CDIN1: variants seen among roughly 807,000 people sequenced by gnomAD.
CDIN1 encodes CDAN1 interacting nuclease 1, also known as CDAN1-interacting nuclease 1.
In CDIN1, 33 loss-of-function variants were observed where a neutral mutation model predicts 45.3. That is an observed-to-expected ratio of 0.73 (90% CI 0.55 to 0.97). CDIN1 has a LOEUF of 0.97. Ranked by LOEUF, CDIN1 falls within the 50% of genes least tolerant of loss-of-function variation. The pLI, the probability that CDIN1 is intolerant of heterozygous loss-of-function variation, is 0.00. For synonymous variants in CDIN1, 118 were observed against 124.4 expected, an observed-to-expected ratio of 0.95 and a Z score of 0.34; for missense variants, 303 against 339.4, an observed-to-expected ratio of 0.89 and a Z score of 0.84.
At chr15:36,696,914 C>G (rs961479320) in intron 7 of CDIN1, among the ~76,000 whole-genome samples, 1 of 146,104 alleles carries the variant, frequency 6.8e-6, no homozygotes, top group Admixed American at 7.0e-5. Flanking sequence ...GAGTTTGAGA[C>G]CAGCCTGAGC....
chr15:36,709,249 T>A lies in CDIN1; in HGVS notation c.571T>A (p.Tyr191Asn). ...TGAAGATCAGCTTCGTGCAAAGGGT[T>A]ATGACAAAACACCAGACTTCATTTT... Reference protein sequence around the residue: ...LDEDQLRAKGYDKTPDFILQV... With the variant: ...LDEDQLRAKGNDKTPDFILQV... The change falls in exon 9 of 11, where the codon TAT becomes AAT. Residue 191 changes from tyrosine to asparagine, a missense_variant. Coordinates refer to ENST00000566621, the MANE Select transcript of CDIN1 (RefSeq NM_001321759.2). 1 of 1,604,038 alleles carries A rather than the reference T, an allele frequency of 6.2e-7. No individual in the cohort carries two copies. The highest frequency in any genetic ancestry group is 8.5e-7 in the Non-Finnish European group (1 of 1,174,694).
chr15:36,607,542 C>G (rs2038435671), intron 1 of CDIN1, among the ~76,000 whole-genome samples: 1 of 152,102 alleles, frequency 6.6e-6, no homozygotes, highest in Non-Finnish European at 1.5e-5. Flanking sequence ...TGCCCGCGAT[C>G]ATGACTGACT....
chr15:36,739,187 A>C (rs1176338695), intron 10 of CDIN1, among the ~76,000 whole-genome samples: 2 of 152,168 alleles, frequency 1.3e-5, no homozygotes, highest in African/African-American at 2.4e-5. Flanking sequence ...GCAGCCAGGG[A>C]TTTGAGACTA....
intron 3 of CDIN1, chr15:36,648,749 A>G (rs1045640544): frequency 1.1e-4 from 17 of 152,196 alleles, no homozygotes; most frequent in African/African-American, 3.9e-4. Flanking sequence ...CTATTATTGT[A>G]AATAAAACTG....
chr15:36,703,750 T>G (rs1277202357), intron 8 of CDIN1, among the ~76,000 whole-genome samples: 1 of 152,120 alleles, frequency 6.6e-6, no homozygotes, highest in Non-Finnish European at 1.5e-5. Flanking sequence ...TAGGAGATCC[T>G]TTTTGTGTCT....
In CDIN1 at chr15:36,808,920, T is replaced by C. The variant is rs2055318344; in HGVS notation, c.*467T>C. On this transcript the variant is annotated 3_prime_UTR_variant, in exon 11 of 11. Transcript: ENST00000566621. ...CACTCACAGAGACCCAGCATTGCAT[T>C]ACCATCGTGGAATAATCTAGCGCAA... The C allele has an allele frequency of 2.2e-6, 1 of 456,044 alleles. No individual in the cohort carries two copies. Among genetic ancestry groups the C allele is most frequent in the Admixed American group, 2.4e-5 (1 of 42,522 alleles). 28.2% of individuals were successfully genotyped at this position (456,044 alleles called of 1,614,324 possible).
intron 10 of CDIN1, among the ~76,000 whole-genome samples, chr15:36,793,197 A>G (rs1053406392): frequency 6.6e-6 from 1 of 151,672 alleles, no homozygotes; most frequent in East Asian, 1.9e-4. Flanking sequence ...TCTTTCATAC[A>G]CTCATCTTTT....
At chr15:36,659,966 CTTTTTTT>C (rs778988517) in intron 5 of CDIN1, among the ~76,000 whole-genome samples, 6 of 105,150 alleles carry the variant, frequency 5.7e-5, no homozygotes, top group African/African-American at 2.2e-4. Flanking sequence ...CCTTCCTTTT[CTTTTTTT>C]TTTTTTTTTT....
At chr15:36,632,666 C>T (rs573031250) in intron 1 of CDIN1, among the ~76,000 whole-genome samples, 1 of 152,286 alleles carries the variant, frequency 6.6e-6, no homozygotes, top group South Asian at 2.1e-4. Flanking sequence ...TTTTCTTCTG[C>T]TAATCAATTG....
At chr15:36,783,331 T>C (rs1178880986) in intron 10 of CDIN1, among the ~76,000 whole-genome samples, 2 of 143,998 alleles carry the variant, frequency 1.4e-5, no homozygotes, top group Admixed American at 7.4e-5. Flanking sequence ...TAAAAACATA[T>C]GTTGGGATTG....
intron 10 of CDIN1, among the ~76,000 whole-genome samples, chr15:36,769,258 CAT>C (rs758163723): frequency 6.6e-6 from 1 of 152,162 alleles, no homozygotes; most frequent in Non-Finnish European, 1.5e-5. Flanking sequence ...GGAACTGACT[CAT>C]GTGATTGTGG....
chr15:36,640,251 G>A (rs1487991402), intron 1 of CDIN1, among the ~76,000 whole-genome samples: 1 of 152,130 alleles, frequency 6.6e-6, no homozygotes, highest in Non-Finnish European at 1.5e-5. Flanking sequence ...GTGGCAGGGG[G>A]CGTTGGGGGA....
intron 7 of CDIN1, among the ~76,000 whole-genome samples, chr15:36,695,203 G>A (rs2140738804): frequency 6.6e-6 from 1 of 152,106 alleles, no homozygotes. Context: ...TAATTCTCTA[G>A]GAATTTTTTT....
chr15:36,699,999 T>C (rs1427475814), intron 8 of CDIN1, among the ~76,000 whole-genome samples: 4 of 152,198 alleles, frequency 2.6e-5, no homozygotes, highest in Admixed American at 2.6e-4. Flanking sequence ...TGCATATTTA[T>C]TCATTTATTC....
intron 10 of CDIN1, among the ~76,000 whole-genome samples, chr15:36,757,799 C>T (rs1427866628): frequency 6.6e-6 from 1 of 150,862 alleles, no homozygotes; most frequent in Non-Finnish European, 1.5e-5. Flanking sequence ...TAATGCTATG[C>T]CACCAGGCCT....
chr15:36,776,882 G>C (rs79081639), intron 10 of CDIN1, among the ~76,000 whole-genome samples: 137 of 152,136 alleles, frequency 9.0e-4, no homozygotes, highest in Non-Finnish European at 1.1e-3. Context: ...TAAAACATGA[G>C]GTTGTTTTGC....
In CDIN1 at chr15:36,703,363, AGATC is replaced by A. The variant is rs1393099491; in HGVS notation, c.545-5859_545-5856del. ...TATCAGATATATACATATATCAGAT[AGATC>A]TATCATATATATATATATCAGATAT... On this transcript the variant is annotated intron_variant, in intron 8 of 10. Coordinates refer to ENST00000566621, the MANE Select transcript of CDIN1 (RefSeq NM_001321759.2). Among the ~76,000 whole-genome samples the A allele has an allele frequency of 1.3e-3, 98 of 76,574 alleles. 2 individuals are homozygous for A. The highest frequency in any genetic ancestry group is 3.7e-3 in the East Asian group (8 of 2,136). The allele number at this position is 76,574 out of a possible 152,430, so 50.2% of individuals were successfully genotyped here.
chr15:36,673,331 C>T (rs1022166425), intron 5 of CDIN1, among the ~76,000 whole-genome samples: 1 of 152,034 alleles, frequency 6.6e-6, no homozygotes, highest in Non-Finnish European at 1.5e-5. Flanking sequence ...GGAAAATCAG[C>T]TTTACCATCG....
intron 1 of CDIN1, among the ~76,000 whole-genome samples, chr15:36,604,162 G>A (rs961755043): frequency 4.6e-5 from 7 of 152,102 alleles, no homozygotes; most frequent in African/African-American, 1.7e-4. Flanking sequence ...GTTCCACCCT[G>A]AAGAGGGGAG....
Sources: gnomAD v4.1 joint callset for allele counts (sites outside exome capture counted in the v4.1 genomes callset) on GRCh38, gnomAD v4.1.1 for gene constraint, MANE v1.5 for transcripts, NCBI Gene and HGNC (gene_info 2026-07-23, HGNC 2026-07-21) for gene names.